Variants in GPC6 observed in about 807,000 individuals in gnomAD.
GPC6 encodes the protein glypican-6.
Under a neutral mutation model 55.2 loss-of-function variants are expected in GPC6, and 14 were observed. The ratio of observed to expected loss-of-function variants is 0.25; its 90% confidence interval spans 0.17 to 0.40. The LOEUF is 0.40. Among genes scored for constraint, GPC6 ranks in the 10% least tolerant of loss-of-function variants. The pLI is 1.00. For missense variants in GPC6, 641 were observed against 708.5 expected, an observed-to-expected ratio of 0.90 and a Z score of 1.08; for synonymous variants, 278 against 259.6, an observed-to-expected ratio of 1.07 and a Z score of -0.68.
chr13:93,354,517 T>C (rs1566313637), intron 1 of GPC6, among the ~76,000 whole-genome samples: 1 of 116,894 alleles, frequency 8.6e-6, no homozygotes, highest in Non-Finnish European at 1.7e-5. Flanking sequence ...CACTCGGCTA[T>C]TATTTTTTTT....
intron 3 of GPC6, among the ~76,000 whole-genome samples, chr13:93,954,204 T>C (rs1475565024): frequency 6.6e-6 from 1 of 152,224 alleles, no homozygotes; most frequent in African/African-American, 2.4e-5. Context: ...AGTTTTATAA[T>C]CTGCTATTTA....
At chr13:94,061,410 C>T (rs545247897) in intron 4 of GPC6, among the ~76,000 whole-genome samples, 1 of 152,156 alleles carries the variant, frequency 6.6e-6, no homozygotes, top group East Asian at 1.9e-4. Flanking sequence ...CAGTGATTTG[C>T]ACTCTGCCTT....
At chr13:94,290,904 T>A (rs1174089409) in intron 5 of GPC6, among the ~76,000 whole-genome samples, 1 of 152,118 alleles carries the variant, frequency 6.6e-6, no homozygotes, top group South Asian at 2.1e-4. Flanking sequence ...AGAAATAATA[T>A]AGGGAGACCG....
chr13:93,664,972 A>G (rs1881076319), intron 2 of GPC6, among the ~76,000 whole-genome samples: 1 of 152,230 alleles, frequency 6.6e-6, no homozygotes, highest in African/African-American at 2.4e-5. Flanking sequence ...TGTTGAAAAA[A>G]TGTGAAGAAA....
chr13:93,829,197 C>G (rs1887390110), intron 2 of GPC6, among the ~76,000 whole-genome samples: 1 of 152,148 alleles, frequency 6.6e-6, no homozygotes, highest in African/African-American at 2.4e-5. Context: ...TTTCCCTACC[C>G]CAATTTATAA....
In GPC6 at chr13:94,306,054, T is replaced by C. The variant is rs1233433448; in HGVS notation, c.1083T>C (p.Asn361=). 16 of 1,614,204 alleles carry C rather than the reference T, an allele frequency of 9.9e-6. No homozygotes were observed. Among genetic ancestry groups the C allele is most frequent in the East Asian group, 2.2e-5 (1 of 44,882 alleles). Residue 361 remains asparagine, a synonymous_variant, in exon 6 of 9, where the codon AAT becomes AAC. Coordinates refer to ENST00000377047, the MANE Select transcript of GPC6 (RefSeq NM_005708.5). ...RSARSAPENF[N]TRFRPYNPEE... ...CCCGCTCAGCTCCTGAAAATTTTAA[T>C]ACACGTTTCAGGCCCTACAATCCTG...
At chr13:93,484,733 T>C (rs181568788) in intron 1 of GPC6, among the ~76,000 whole-genome samples, 31 of 152,266 alleles carry the variant, frequency 2.0e-4, no homozygotes, top group Admixed American at 1.8e-3. Flanking sequence ...AATTAAATGA[T>C]AATGAAATAC....
At chr13:93,943,051 C>CTGCTGCAGGCTTTTCAA (rs1269751633) in intron 3 of GPC6, among the ~76,000 whole-genome samples, 6 of 152,078 alleles carry the variant, frequency 3.9e-5, no homozygotes, top group Non-Finnish European at 7.4e-5. Context: ...CCATAAGGCT[C>CTGCTGCAGGCTTTTCAA]TGCTGCAGGC....
chr13:94,297,840 G>C (rs1013485982), intron 5 of GPC6, among the ~76,000 whole-genome samples: 15 of 152,116 alleles, frequency 9.9e-5, no homozygotes, highest in Non-Finnish European at 1.2e-4. Context: ...CATAGAGTTT[G>C]CCAGAGAACT....
intron 2 of GPC6, among the ~76,000 whole-genome samples, chr13:93,687,428 C>A (rs139096242): frequency 6.6e-6 from 1 of 152,030 alleles, no homozygotes; most frequent in Non-Finnish European, 1.5e-5. Context: ...GCATATGAAT[C>A]AGTCCCAGCA....
At chr13:93,268,140 C>A (rs1391272358) in intron 1 of GPC6, among the ~76,000 whole-genome samples, 1 of 152,102 alleles carries the variant, frequency 6.6e-6, no homozygotes, top group Non-Finnish European at 1.5e-5. Flanking sequence ...GGGTTATATG[C>A]ATTTCTATAG....
Position 94,405,636 on chromosome 13 carries a change from GTTC to G in GPC6, c.*2421_*2423del, listed in dbSNP as rs1881336585. 1 of 152,026 alleles carries G rather than the reference GTTC, an allele frequency of 6.6e-6. No individual in the cohort carries two copies. Among genetic ancestry groups the G allele is most frequent in the South Asian group, 2.1e-4 (1 of 4,810 alleles). The allele number at this position is 152,026 out of a possible 1,614,324, so 9.4% of individuals were successfully genotyped here. On this transcript the variant is annotated 3_prime_UTR_variant, in exon 9 of 9. Transcript: ENST00000377047. ...ATAATATTAGTGAATGTGAACCCATGTTCTATACGCACTAAACACACAGTTAAT... is the reference window on the plus strand; with the variant it reads ...ATAATATTAGTGAATGTGAACCCATGTATACGCACTAAACACACAGTTAAT...
chr13:93,771,194 G>A (rs182652219), intron 2 of GPC6, among the ~76,000 whole-genome samples: 40 of 152,140 alleles, frequency 2.6e-4, no homozygotes, highest in African/African-American at 9.4e-4. Context: ...AAATTAAGTT[G>A]CATACAAGGT....
At chr13:94,257,978 G>A (rs1274908213) in intron 4 of GPC6, among the ~76,000 whole-genome samples, 2 of 152,148 alleles carry the variant, frequency 1.3e-5, no homozygotes, top group Admixed American at 6.6e-5. Flanking sequence ...ATGAGGCAGA[G>A]AATCCCAATA....
chr13:93,250,586 G>C (rs1050070123), intron 1 of GPC6, among the ~76,000 whole-genome samples: 2 of 152,106 alleles, frequency 1.3e-5, no homozygotes, highest in Non-Finnish European at 2.9e-5. Context: ...TTGCAACTCC[G>C]CTGCTTTCTG....
chr13:94,247,014 T>A (rs1891217608), intron 4 of GPC6, among the ~76,000 whole-genome samples: 1 of 152,116 alleles, frequency 6.6e-6, no homozygotes, highest in African/African-American at 2.4e-5. Flanking sequence ...CATTTATTTG[T>A]GTCCTCTTCA....
At chr13:93,574,669 G>T (rs1594279958) in intron 2 of GPC6, among the ~76,000 whole-genome samples, 1 of 152,088 alleles carries the variant, frequency 6.6e-6, no homozygotes, top group African/African-American at 2.4e-5. Flanking sequence ...CCACAATCCA[G>T]TTTTAGATCA....
At chr13:93,837,870 G>A (rs989531386) in intron 3 of GPC6, among the ~76,000 whole-genome samples, 7 of 152,148 alleles carry the variant, frequency 4.6e-5, no homozygotes, top group African/African-American at 1.4e-4. Flanking sequence ...TTTAGGCAGA[G>A]GCAGTAACAG....
chr13:93,674,486 A>G (rs1437592957), intron 2 of GPC6, among the ~76,000 whole-genome samples: 2 of 152,172 alleles, frequency 1.3e-5, no homozygotes, highest in East Asian at 3.9e-4. Flanking sequence ...CTTATTAACT[A>G]CAGACCACGC....
Sources: allele counts gnomAD v4.1 joint callset (sites outside exome capture counted in the v4.1 genomes callset), GRCh38; gene constraint gnomAD v4.1.1; transcripts MANE v1.5; gene names NCBI Gene and HGNC (gene_info 2026-07-23, HGNC 2026-07-21).